Variants in OSBPL3 observed in about 807,000 individuals in gnomAD.
The protein encoded by OSBPL3 is oxysterol-binding protein-related protein 3.
Under a neutral mutation model 120.1 loss-of-function variants are expected in OSBPL3, and 65 were observed. The ratio of observed to expected loss-of-function variants is 0.54; its 90% CI spans 0.44 to 0.67. The LOEUF (loss-of-function observed/expected upper bound fraction) is 0.67, where lower values mean the gene tolerates loss of function less well. OSBPL3 is among the 30% of genes least tolerant of loss of function. OSBPL3 has a pLI of 0.00. For synonymous variants in OSBPL3, 416 were observed against 402.6 expected (o/e 1.03, Z -0.40); for missense variants, 1,004 against 1,082.1 (o/e 0.93, Z 1.01).
intron 1 of OSBPL3, among the ~76,000 whole-genome samples, chr7:24,954,341 C>A (rs1185309825): frequency 6.6e-6 from 1 of 152,098 alleles, no homozygotes; most frequent in East Asian, 1.9e-4. Context: ...ATCTTTCAGT[C>A]CCAAGGTAAG....
intron 1 of OSBPL3, among the ~76,000 whole-genome samples, chr7:24,962,001 A>G (rs1815798125): frequency 6.6e-6 from 1 of 152,058 alleles, no homozygotes; most frequent in Non-Finnish European, 1.5e-5. Context: ...CAGCACATCA[A>G]CCTTCCTGTT....
At chr7:24,961,834 G>A (rs1170026931) in intron 1 of OSBPL3, among the ~76,000 whole-genome samples, 1 of 152,192 alleles carries the variant, frequency 6.6e-6, no homozygotes, top group Non-Finnish European at 1.5e-5. Context: ...TACAATAAAT[G>A]AGTATAACTT....
chr7:24,866,189 G>T lies in OSBPL3; in HGVS notation c.430C>A (p.His144Asn), dbSNP rs751485042. Reference sequence around the variant, plus strand: ...ATTTCATTCTGACGATACATTCTGTGGTGGCGAAGTTTCGATACCCACTCA... The same window carrying T: ...ATTTCATTCTGACGATACATTCTGTTGTGGCGAAGTTTCGATACCCACTCA... ...FDEWVSKLRH[H>N]RMYRQNEIAM... is the part of the protein sequence containing the mutation. Residue 144 changes from histidine to asparagine, a missense_variant, in exon 6 of 23, where the codon CAC becomes AAC. His to Asn is a moderately conservative substitution (Grantham distance 68). Coordinates refer to ENST00000313367, the MANE Select transcript of OSBPL3 (RefSeq NM_015550.4). 9 of 1,612,924 alleles carry T rather than the reference G, an allele frequency of 5.6e-6. No individual in the cohort carries two copies. The South Asian group carries it at 9.9e-5, about 18-fold the overall frequency.
chr7:24,828,714 A>G (rs1796025071), intron 16 of OSBPL3, among the ~76,000 whole-genome samples: 1 of 151,600 alleles, frequency 6.6e-6, no homozygotes, highest in Non-Finnish European at 1.5e-5. Context: ...TATTTTGTTT[A>G]AGCCTTACTA....
intron 1 of OSBPL3, among the ~76,000 whole-genome samples, chr7:24,897,318 A>AACTTTT (rs1466449566): frequency 1.4e-5 from 2 of 144,604 alleles, no homozygotes; most frequent in Admixed American, 6.9e-5. Flanking sequence ...AGATGGCAGA[A>AACTTTT]TCTTTTTTTT....
intron 16 of OSBPL3, among the ~76,000 whole-genome samples, chr7:24,828,633 A>AAAAAAAAAAAAAAAAAG (rs1554349993): frequency 7.4e-6 from 1 of 134,626 alleles, no homozygotes; most frequent in Non-Finnish European, 1.7e-5. Flanking sequence ...AAAAAAAAAA[A>AAAAAAAAAAAAAAAAAG]AAAGGCATCG....
rs1800685098 is a variant in OSBPL3, at chr7:24,862,352, G to A, written c.871-583C>T. ...CTATAGGTTGAAAATGACAGCTAAAGCTGCCAGGCTTTCTCATTTATACTC... is the reference window on the plus strand; with the variant it reads ...CTATAGGTTGAAAATGACAGCTAAAACTGCCAGGCTTTCTCATTTATACTC... On this transcript the variant is annotated intron_variant, in intron 9 of 22. Transcript: ENST00000313367. This position sits in a 1 kb window ranked among gnomAD's most constrained non-coding sequence, Gnocchi z 4.4. Among the ~76,000 whole-genome samples the A allele has an allele frequency of 6.6e-6, 1 of 152,334 alleles. No individual in the cohort carries two copies. Among genetic ancestry groups the A allele is most frequent in the East Asian group, 1.9e-4 (1 of 5,186 alleles).
At chr7:24,895,259 C>T (rs1805968585) in intron 1 of OSBPL3, among the ~76,000 whole-genome samples, 1 of 152,144 alleles carries the variant, frequency 6.6e-6, no homozygotes, top group Non-Finnish European at 1.5e-5. Flanking sequence ...TCCCATAAGA[C>T]TATAATTCTG....
At chr7:24,860,730 CATCCAAGTTGCTATGTAT>C (rs1562841407) in intron 10 of OSBPL3, among the ~76,000 whole-genome samples, 1 of 152,202 alleles carries the variant, frequency 6.6e-6, no homozygotes, top group African/African-American at 2.4e-5. Context: ...CCCTGAGATC[CATCCAAGTTGCTATGTAT>C]ATCAATAGTT....
chr7:24,858,708 A>T (rs1584402997), intron 10 of OSBPL3, among the ~76,000 whole-genome samples: 1 of 152,184 alleles, frequency 6.6e-6, no homozygotes, highest in East Asian at 1.9e-4. Context: ...AGGTTTTCAC[A>T]AAGTGGGAAA....
chr7:24,852,594 C>T lies in OSBPL3; in HGVS notation c.1068G>A (p.Ala356=), dbSNP rs200881618. Residue 356 remains alanine, a synonymous_variant, in exon 11 of 23, where the codon GCG becomes GCA. Coordinates refer to ENST00000313367, the MANE Select transcript of OSBPL3 (RefSeq NM_015550.4). This position sits in a 1 kb window ranked among gnomAD's most constrained non-coding sequence, Gnocchi z 4.1. ...TLRSAFNIMS[A]EREKLKQLME... ...TCAGCTGCTTCAGTTTCTCTCTCTC[C>T]GCTGACATGATATTAAAAGCTGACC... is the stretch of plus-strand genomic sequence containing the variant. 4.4e-5 allele frequency: 71 copies of T among 1,608,148 alleles called. No individual in the cohort carries two copies. In the East Asian group the frequency reaches 1.3e-3, roughly 28 times the overall value.
intron 1 of OSBPL3, among the ~76,000 whole-genome samples, chr7:24,954,822 G>A (rs1814849563): frequency 6.6e-6 from 1 of 152,194 alleles, no homozygotes; most frequent in African/African-American, 2.4e-5. Flanking sequence ...AAAGGTGGAA[G>A]ACACTTTGAA....
chr7:24,906,275 A>G, intron 1 of OSBPL3: 1 of 264,516 alleles, frequency 3.8e-6, no homozygotes, highest in South Asian at 3.7e-5. Context: ...CAGGAGGAGG[A>G]GAACCCATCA....
In OSBPL3 at chr7:24,899,591, A is replaced by C. The variant is rs1249148465; in HGVS notation, c.-149-6970T>G. Among the ~76,000 whole-genome samples the C allele has an allele frequency of 6.6e-6, 1 of 152,222 alleles. No homozygotes were observed. The highest frequency in any genetic ancestry group is 1.5e-5 in the Non-Finnish European group (1 of 68,038). ...TTGTTACGGCATACATAGATTGCACAGGCATATGAAATCTATACTCACCCA... is the reference window on the plus strand; with the variant it reads ...TTGTTACGGCATACATAGATTGCACCGGCATATGAAATCTATACTCACCCA... On this transcript the variant is annotated intron_variant, in intron 1 of 22. Transcript: ENST00000313367. The surrounding 1 kb of genome is among the most constrained non-coding windows in gnomAD (Gnocchi z 4.0).
At position 24,817,788 on chromosome 7, in the gene OSBPL3, A is replaced by C. The variant is rs142470777; in HGVS notation, c.1949-1100T>G. Among the ~76,000 whole-genome samples the C allele has an allele frequency of 6.6e-6, 1 of 152,274 alleles. No homozygotes were observed. The highest frequency in any genetic ancestry group is 1.5e-5 in the Non-Finnish European group (1 of 67,942). On this transcript the variant is annotated intron_variant, in intron 17 of 22. Coordinates refer to ENST00000313367, the MANE Select transcript of OSBPL3 (RefSeq NM_015550.4). This position sits in a 1 kb window ranked among gnomAD's most constrained non-coding sequence, Gnocchi z 4.0. ...AAGTGAGTGAGCCCAGAAATACTAA[A>C]GAAGAAGAAATAGGCACTAGGTCAA...
In OSBPL3 at chr7:24,916,333, CACAGTATGT is replaced by C. The variant is rs1329960072; in HGVS notation, c.-149-23721_-149-23713del. On this transcript the variant is annotated intron_variant, in intron 1 of 22. Transcript: ENST00000313367. The surrounding 1 kb of genome is among the most constrained non-coding windows in gnomAD (Gnocchi z 4.9). ...TCTACCCATCCTTCTGTTCCTCTCT[CACAGTATGT>C]ACAGAGGCATGGCTGAAATAAATGT... is the stretch of plus-strand genomic sequence containing the variant. 2.6e-5 allele frequency among the ~76,000 whole-genome samples: 4 copies of C among 152,206 alleles called. No homozygotes were observed. Among genetic ancestry groups the C allele is most frequent in the Non-Finnish European group, 5.9e-5 (4 of 68,040 alleles).
chr7:24,834,020 T>C lies in OSBPL3; in HGVS notation c.1746+466A>G, dbSNP rs545937304. 1.2e-6 allele frequency: 1 copy of C among 800,556 alleles called. No homozygotes were observed. The highest frequency in any genetic ancestry group is 1.3e-4 in the East Asian group (1 of 7,972). 49.6% of individuals were successfully genotyped at this position (800,556 alleles called of 1,614,324 possible). A position where few individuals can be genotyped will look rare whatever the true frequency, so the allele number is the denominator to read the frequency against. On this transcript the variant is annotated intron_variant, in intron 15 of 22. Transcript: ENST00000313367. This position sits in a 1 kb window ranked among gnomAD's most constrained non-coding sequence, Gnocchi z 5.2. ...AAACCTCCTCTTGTGAACTTTATTT[T>C]CCAAAAACCTAGGAGCTGATGGGAC...
intron 16 of OSBPL3, among the ~76,000 whole-genome samples, chr7:24,829,826 G>A (rs1175603040): frequency 6.6e-6 from 1 of 151,958 alleles, no homozygotes; most frequent in Non-Finnish European, 1.5e-5. Flanking sequence ...ATAATCCCCT[G>A]TTGACAAGCA....
rs953046229 is a variant in OSBPL3, at chr7:24,831,312, A to G, written c.1747-407T>C. ...AGTATTAAAAAAGGAGTGTTAAAAA[A>G]TCCCTCCAAAACTCAGGAATCAGCA... On this transcript the variant is annotated intron_variant, in intron 15 of 22. Coordinates refer to ENST00000313367, the MANE Select transcript of OSBPL3 (RefSeq NM_015550.4). This position sits in a 1 kb window ranked among gnomAD's most constrained non-coding sequence, Gnocchi z 4.0. 1.3e-5 allele frequency among the ~76,000 whole-genome samples: 2 copies of G among 152,080 alleles called. No individual in the cohort carries two copies. The highest frequency in any genetic ancestry group is 4.8e-5 in the African/African-American group (2 of 41,418).
Sources: gnomAD v4.1 joint callset for allele counts (sites outside exome capture counted in the v4.1 genomes callset) on GRCh38, gnomAD v4.1.1 for gene constraint, Gnocchi (gnomAD v3.1) non-coding constraint, MANE v1.5 for transcripts, NCBI Gene and HGNC (gene_info 2026-07-23, HGNC 2026-07-21) for gene names.